The following ACOT9 variants were observed in gnomAD, a reference collection of about 807,000 sequenced individuals.
The protein encoded by ACOT9 is acyl-coenzyme A thioesterase 9, mitochondrial.
In ACOT9, 34 loss-of-function variants were observed where a neutral mutation model predicts 39.7. That is an observed-to-expected ratio of 0.86 (90% CI 0.65 to 1.14). The LOEUF (loss-of-function observed/expected upper bound fraction) is 1.14. Ranked by LOEUF, ACOT9 falls within the 50% of genes most tolerant of loss-of-function variation. ACOT9 has a pLI of 0.00. For synonymous variants in ACOT9, 110 were observed against 120.5 expected (o/e 0.91, Z 0.57); for missense variants, 313 against 344.1 (o/e 0.91, Z 0.71).
chrX:23,737,236 C>T (rs910716490), intron 1 of ACOT9, among the ~76,000 whole-genome samples: 4 of 111,072 alleles, frequency 3.6e-5, no homozygotes, highest in Non-Finnish European at 5.7e-5. Flanking sequence ...TCGCTTGAAC[C>T]CAGGAGATGG....
chrX:23,739,730 G>C (rs1438953951), intron 1 of ACOT9, among the ~76,000 whole-genome samples: 1 of 110,638 alleles, frequency 9.0e-6, no homozygotes, highest in Non-Finnish European at 1.9e-5. Context: ...CGGGGAGGTC[G>C]AGGCTGCAGT....
chrX:23,714,462 T>C lies in ACOT9; in HGVS notation c.589-1254A>G, dbSNP rs192185048. On this transcript the variant is annotated intron_variant, in intron 8 of 15. Transcript: ENST00000379303. ...AGCACTGACATGACACTCAAGGAAA[T>C]GCTCATTGGAGCATTTCAAGATTTT... Among the ~76,000 whole-genome samples, 241 of 111,646 alleles carry C rather than the reference T, an allele frequency of 2.2e-3. 5 individuals carry two copies. The highest frequency in any genetic ancestry group is 0.019 in the Admixed American group (195 of 10,413).
At chrX:23,735,278 C>G (rs1279329554) in intron 2 of ACOT9, among the ~76,000 whole-genome samples, 3 of 75,825 alleles carry the variant, frequency 4.0e-5, no homozygotes, top group East Asian at 8.8e-4. Flanking sequence ...AAAGAATGGA[C>G]AGAAAGTACC....
chrX:23,736,324 C>A (rs980513879), intron 1 of ACOT9, among the ~76,000 whole-genome samples: 1 of 112,052 alleles, frequency 8.9e-6, no homozygotes, highest in African/African-American at 3.2e-5. Flanking sequence ...TTTCAGAAGT[C>A]CATAATCGAT....
intron 13 of ACOT9, 26 bp from the exon 14 acceptor site, chrX:23,705,106 G>T (rs750493457): frequency 1.7e-6 from 2 of 1,158,856 alleles, no homozygotes; most frequent in Admixed American, 4.6e-5. Flanking sequence ...ACAGAATTTG[G>T]GGTATATTGC....
intron 8 of ACOT9, among the ~76,000 whole-genome samples, chrX:23,720,023 C>T (rs760384391): frequency 9.0e-5 from 10 of 111,497 alleles, no homozygotes; most frequent in Non-Finnish European, 1.7e-4. Context: ...TTAGTAGAGA[C>T]AGGGTTTCAC....
chrX:23,718,847 A>G (rs1218673894), intron 8 of ACOT9, among the ~76,000 whole-genome samples: 1 of 93,654 alleles, frequency 1.1e-5, no homozygotes, highest in Non-Finnish European at 2.1e-5. Flanking sequence ...CGGAGCTTGC[A>G]GTGAGCCGAG....
chrX:23,722,018 T>A, intron 7 of ACOT9, 34 bp from the exon 8 acceptor site: 3 of 1,037,826 alleles, frequency 2.9e-6, no homozygotes, highest in Non-Finnish European at 3.9e-6. Flanking sequence ...GTCCAAGTCA[T>A]ACCAAAAATT....
In ACOT9 at chrX:23,701,373, G is replaced by A. The variant is rs1417737435; in HGVS notation, c.*2521C>T. Among the ~76,000 whole-genome samples the A allele has an allele frequency of 9.0e-6, 1 of 111,709 alleles. No individual in the cohort carries two copies. The highest frequency in any genetic ancestry group is 3.2e-5 in the African/African-American group (1 of 30,783). On this transcript the variant is annotated 3_prime_UTR_variant, in exon 16 of 16. Transcript: ENST00000379303. ...TAGTACAGCACATGCTTGATTCCAT[G>A]AGTCAAACTGCATGCTTCCAAGAGA...
At chrX:23,711,700 T>C (rs1928901047) in intron 9 of ACOT9, among the ~76,000 whole-genome samples, 1 of 111,826 alleles carries the variant, frequency 8.9e-6, no homozygotes, top group Non-Finnish European at 1.9e-5. Context: ...CCCTGTAGAT[T>C]GTTGCTGATC....
At chrX:23,739,643 A>G (rs1930065117) in intron 1 of ACOT9, among the ~76,000 whole-genome samples, 1 of 110,915 alleles carries the variant, frequency 9.0e-6, no homozygotes, top group South Asian at 3.8e-4. Context: ...AAATTTTAAA[A>G]TATTAGTCAG....
chrX:23,701,442 G>C lies in ACOT9; in HGVS notation c.*2452C>G, dbSNP rs1453734285. Reference sequence around the variant, plus strand: ...TGACTATTTCATGCCAGAGGTGCTTGTTGACACTGTGATTTCAATAAACAT... The same window carrying C: ...TGACTATTTCATGCCAGAGGTGCTTCTTGACACTGTGATTTCAATAAACAT... On this transcript the variant is annotated 3_prime_UTR_variant, in exon 16 of 16. Transcript: ENST00000379303. Among the ~76,000 whole-genome samples, 2 of 111,027 alleles carry C rather than the reference G, an allele frequency of 1.8e-5. No homozygotes were observed. Among genetic ancestry groups the C allele is most frequent in the African/African-American group, 6.5e-5 (2 of 30,583 alleles).
chrX:23,707,161 T>C (rs1928722573), intron 10 of ACOT9: 1 of 117,296 alleles, frequency 8.5e-6, no homozygotes, highest in South Asian at 3.2e-4. Context: ...TAGCCAGGCA[T>C]GGTGGCACGT....
intron 6 of ACOT9, among the ~76,000 whole-genome samples, chrX:23,728,186 C>A (rs1929603611): frequency 9.0e-6 from 1 of 110,938 alleles, no homozygotes; most frequent in Non-Finnish European, 1.9e-5. Flanking sequence ...CCTTTCCCAA[C>A]CATTCAGCCC....
intron 6 of ACOT9, among the ~76,000 whole-genome samples, chrX:23,726,930 G>A (rs1157571947): frequency 3.6e-5 from 4 of 111,456 alleles, no homozygotes; most frequent in African/African-American, 6.5e-5. Context: ...AGCGATTCTC[G>A]TGCCTCAGCC....
chrX:23,707,606 G>T, intron 10 of ACOT9: 1 of 163,976 alleles, frequency 6.1e-6, no homozygotes, highest in Non-Finnish European at 1.2e-5. Context: ...GTGTGGTGGC[G>T]CGCACCTGTA....
chrX:23,742,265 G>T (rs1920982248), intron 1 of ACOT9, among the ~76,000 whole-genome samples: 2 of 32,700 alleles, frequency 6.1e-5, no homozygotes, highest in South Asian at 1.3e-3. Flanking sequence ...AGATATCCAG[G>T]ACCCCCAAGA....
chrX:23,713,482 G>A (rs751481991), intron 8 of ACOT9, among the ~76,000 whole-genome samples: 5 of 107,199 alleles, frequency 4.7e-5, no homozygotes, highest in Non-Finnish European at 9.6e-5. Context: ...AGTAGACTGA[G>A]GCATGAGAAT....
At chrX:23,730,335 C>T (rs181281514) in intron 6 of ACOT9, among the ~76,000 whole-genome samples, 192 bp downstream of exon 6, 14 of 108,207 alleles carry the variant, frequency 1.3e-4, no homozygotes, top group South Asian at 1.2e-3. Context: ...TCAAGTGATC[C>T]GCCCGCCTCA....
Sources: allele counts gnomAD v4.1 joint callset (sites outside exome capture counted in the v4.1 genomes callset), GRCh38; gene constraint gnomAD v4.1.1; transcripts MANE v1.5; gene names NCBI Gene and HGNC (gene_info 2026-07-23, HGNC 2026-07-21).